OTUD7B: variants seen among roughly 807,000 people sequenced by gnomAD.
OTUD7B encodes the protein OTU domain-containing protein 7B.
OTUD7B carries 34 observed loss-of-function variants against 82.2 expected under a neutral mutation model. The observed-to-expected ratio is 0.41, with a 90% CI of 0.31 to 0.55. The LOEUF is 0.55. OTUD7B is among the 20% of genes least tolerant of loss of function. OTUD7B has a pLI of 0.20. For missense variants in OTUD7B, 944 were observed against 1,062.1 expected, an observed-to-expected ratio of 0.89 and a Z score of 1.55; for synonymous variants, 398 against 402.7, an observed-to-expected ratio of 0.99 and a Z score of 0.14.
intron 1 of OTUD7B, among the ~76,000 whole-genome samples, chr1:149,996,663 T>C (rs1651944712): frequency 1.3e-5 from 2 of 152,236 alleles, no homozygotes; most frequent in Admixed American, 6.5e-5. Flanking sequence ...TTTGAATGAA[T>C]TAATCTGTAA....
chr1:149,985,813 C>A (rs1312047680), intron 1 of OTUD7B, among the ~76,000 whole-genome samples: 1 of 152,020 alleles, frequency 6.6e-6, no homozygotes, highest in Non-Finnish European at 1.5e-5. Context: ...AATTCTCCAG[C>A]CTTTTCTACC....
chr1:149,973,731 C>T (rs932272809), intron 2 of OTUD7B, among the ~76,000 whole-genome samples: 1 of 152,114 alleles, frequency 6.6e-6, no homozygotes, highest in Non-Finnish European at 1.5e-5. Flanking sequence ...GGTGATCCAC[C>T]TGCCTCGGCC....
intron 2 of OTUD7B, among the ~76,000 whole-genome samples, chr1:149,972,082 C>T: frequency 6.6e-6 from 1 of 152,166 alleles, no homozygotes; most frequent in East Asian, 1.9e-4. Flanking sequence ...GAATAAAACT[C>T]AGGCTCTTTG....
At position 150,002,738 on chromosome 1, in the gene OTUD7B, T is replaced by G. The variant is rs71622675; in HGVS notation, c.-67+7710A>C. Among the ~76,000 whole-genome samples, 850 of 152,250 alleles carry G rather than the reference T, an allele frequency of 5.6e-3. 3 individuals carry two copies. Among genetic ancestry groups the G allele is most frequent in the Non-Finnish European group, 8.9e-3 (608 of 68,004 alleles). Reference sequence around the variant, plus strand: ...CTGAGTAAACCTCAGGTATTCTATTTGAAAATGAATGAGGAAAACTAAGAA... The same window carrying G: ...CTGAGTAAACCTCAGGTATTCTATTGGAAAATGAATGAGGAAAACTAAGAA... On this transcript the variant is annotated intron_variant, in intron 1 of 11. Transcript: ENST00000581312.
chr1:149,986,170 C>T (rs1000852304), intron 1 of OTUD7B, among the ~76,000 whole-genome samples: 7 of 151,648 alleles, frequency 4.6e-5, no homozygotes, highest in African/African-American at 1.7e-4. Context: ...TCCAATATTC[C>T]CCAGCATCCA....
chr1:149,996,826 G>A (rs1046715367), intron 1 of OTUD7B, among the ~76,000 whole-genome samples: 4 of 152,052 alleles, frequency 2.6e-5, no homozygotes, highest in Non-Finnish European at 5.9e-5. Context: ...TATGACAGAC[G>A]AGCTGTGGCC....
chr1:149,960,413 T>TTTTTTTTTTTTTTTTTTTTTG (rs1366020859), intron 6 of OTUD7B, among the ~76,000 whole-genome samples: 8 of 72,566 alleles, frequency 1.1e-4, no homozygotes, highest in Non-Finnish European at 1.5e-4. Flanking sequence ...TTTTTTTTTG[T>TTTTTTTTTTTTTTTTTTTTTG]AGACAGAGTC....
chr1:149,965,858 T>C lies in OTUD7B; in HGVS notation c.523A>G (p.Ser175Gly). 6.2e-7 allele frequency: 1 copy of C among 1,613,914 alleles called. No individual in the cohort carries two copies. The highest frequency in any genetic ancestry group is 8.5e-7 in the Non-Finnish European group (1 of 1,179,826). ...AGCCTCTGAGAGGTGGGATCCACAC[T>C]CACCCACCAGTTCAAACGCCCTGTA... ...EQAGRLNWWVSVDPTSQRLLP... is the reference protein window; with the variant it reads ...EQAGRLNWWVGVDPTSQRLLP... The change falls in exon 5 of 12, where the codon AGT becomes GGT. Residue 175 changes from serine (S) to glycine (G), a missense_variant. This residue lies in a region of OTUD7B where 530 missense variants were observed against 625.6 expected (regional missense o/e 0.85). Transcript: ENST00000581312.
At chr1:149,982,058 A>C (rs1553779800) in intron 1 of OTUD7B, among the ~76,000 whole-genome samples, 2 of 152,156 alleles carry the variant, frequency 1.3e-5, no homozygotes, top group Non-Finnish European at 2.9e-5. Flanking sequence ...CTGAGGCAGG[A>C]GAATGACGTG....
At chr1:150,040,730 G>GTTTT in the OTUD7B span, among the ~76,000 whole-genome samples, 69 of 123,268 alleles carry the variant, frequency 5.6e-4, no homozygotes, top group African/African-American at 2.0e-3. Context: ...TTTTTTTTGA[G>GTTTT]ATGGAGTCTC....
At chr1:150,032,717 G>C in the OTUD7B span, among the ~76,000 whole-genome samples, 1 of 151,436 alleles carries the variant, frequency 6.6e-6, no homozygotes, top group Non-Finnish European at 1.5e-5. Flanking sequence ...GGAGGAGGAA[G>C]AAGAAGAAGA....
chr1:149,985,621 T>G (rs144858448), intron 1 of OTUD7B, among the ~76,000 whole-genome samples: 1,691 of 150,822 alleles, frequency 0.011, 39 homozygotes, highest in African/African-American at 0.04. Context: ...GGAGGTGCAC[T>G]CCTGTAGTCC....
At chr1:149,992,532 G>A (rs1651663480) in intron 1 of OTUD7B, among the ~76,000 whole-genome samples, 1 of 131,756 alleles carries the variant, frequency 7.6e-6, no homozygotes, top group Admixed American at 8.8e-5. Flanking sequence ...CTGGAGTGCA[G>A]TAGTGCAATC....
In OTUD7B at chr1:149,950,115, G is replaced by A. The variant is rs373208374; in HGVS notation, c.952C>T (p.Leu318=). 1 of 1,613,932 alleles carries A rather than the reference G, an allele frequency of 6.2e-7. No individual in the cohort carries two copies. The highest frequency in any genetic ancestry group is 8.5e-7 in the Non-Finnish European group (1 of 1,180,040). Residue 318 remains leucine, a synonymous_variant, in exon 8 of 12, where the codon CTG becomes TTG. Transcript: ENST00000581312. ...TCACCTTCCCCTCCGGAGTCCCTCA[G>A]CATGGTGTCTGCCACGACGACTATG... The part of the protein sequence containing the change: ...RPIVVVADTM[L]RDSGGEAFAP...
the OTUD7B span, among the ~76,000 whole-genome samples, chr1:150,022,394 T>TCA: frequency 1.8e-3 from 214 of 116,860 alleles, 105 homozygotes; most frequent in East Asian, 2.7e-3. Flanking sequence ...CGAAACTCTC[T>TCA]ACAAAAAAAA....
chr1:150,065,849 G>GTTTTTTTTTTTTTTTTTTTTTTTTT, the OTUD7B span, among the ~76,000 whole-genome samples: 2 of 151,642 alleles, frequency 1.3e-5, no homozygotes, highest in African/African-American at 4.9e-5. Context: ...TGTTCAAAAT[G>GTTTTTTTTTTTTTTTTTTTTTTTTT]TTTATGTTCC....
intron 1 of OTUD7B, among the ~76,000 whole-genome samples, chr1:149,984,544 T>C (rs1553780429): frequency 6.6e-6 from 1 of 152,154 alleles, no homozygotes; most frequent in African/African-American, 2.4e-5. Flanking sequence ...GCACCCACCA[T>C]TCTAGCCTTA....
chr1:150,021,260 C>T, the OTUD7B span, among the ~76,000 whole-genome samples: 4 of 152,002 alleles, frequency 2.6e-5, no homozygotes, highest in Non-Finnish European at 4.4e-5. Flanking sequence ...AGGCTTTTGA[C>T]GTCTGTTTTT....
At chr1:149,994,229 C>G (rs1294615196) in intron 1 of OTUD7B, among the ~76,000 whole-genome samples, 1 of 151,940 alleles carries the variant, frequency 6.6e-6, no homozygotes, top group East Asian at 1.9e-4. Flanking sequence ...TTACCTCATT[C>G]ACTGAAAAAA....
Sources: allele counts gnomAD v4.1 joint callset (sites outside exome capture counted in the v4.1 genomes callset), GRCh38; gene constraint gnomAD v4.1.1; regional missense constraint gnomAD v4.1.1; transcripts MANE v1.5; gene names NCBI Gene and HGNC (gene_info 2026-07-23, HGNC 2026-07-21).